Variants in DDX10 observed in about 807,000 individuals in gnomAD.
DDX10 encodes DEAD-box helicase 10, also known as probable ATP-dependent RNA helicase DDX10.
Under a neutral mutation model 104.3 loss-of-function variants are expected in DDX10, and 74 were observed. The observed-to-expected ratio is 0.71, with a 90% CI of 0.59 to 0.86. The LOEUF (loss-of-function observed/expected upper bound fraction) is 0.86, where lower values mean the gene tolerates loss of function less well. DDX10 is among the 40% of genes least tolerant of loss of function. The pLI is 0.00. For synonymous variants in DDX10, 351 were observed against 353.4 expected, an observed-to-expected ratio of 0.99 and a Z score of 0.08; for missense variants, 952 against 1,040.0, an observed-to-expected ratio of 0.92 and a Z score of 1.16.
chr11:108,694,504 C>G (rs2094257013), intron 9 of DDX10, among the ~76,000 whole-genome samples: 2 of 152,192 alleles, frequency 1.3e-5, no homozygotes, highest in Non-Finnish European at 2.9e-5. Flanking sequence ...AGACCACTCC[C>G]TATCTCTCCT....
intron 13 of DDX10, among the ~76,000 whole-genome samples, chr11:108,833,013 T>G (rs1862492922): frequency 6.6e-6 from 1 of 152,208 alleles, no homozygotes; most frequent in African/African-American, 2.4e-5. Context: ...TTAACTTAAG[T>G]ACAATTTACA....
intron 4 of DDX10, among the ~76,000 whole-genome samples, chr11:108,677,821 C>T (rs955092446): frequency 1.3e-5 from 2 of 151,664 alleles, no homozygotes; most frequent in Admixed American, 6.6e-5. Context: ...GTACCTGTTG[C>T]CTAACTTTAA....
At chr11:108,677,691 C>T (rs1432748876) in intron 4 of DDX10, among the ~76,000 whole-genome samples, 1 of 148,700 alleles carries the variant, frequency 6.7e-6, no homozygotes, top group African/African-American at 2.5e-5. Context: ...TTTGTTCTAT[C>T]TTATAGCACA....
chr11:108,772,689 G>T (rs923052282), intron 13 of DDX10, among the ~76,000 whole-genome samples: 4 of 152,220 alleles, frequency 2.6e-5, no homozygotes, highest in African/African-American at 7.2e-5. Context: ...GAAGGTGAGC[G>T]GCCAGGCGGG....
At chr11:108,684,032 T>A (rs2094239196) in intron 6 of DDX10, among the ~76,000 whole-genome samples, 1 of 151,906 alleles carries the variant, frequency 6.6e-6, no homozygotes, top group Non-Finnish European at 1.5e-5. Context: ...CATCCCAAAC[T>A]TCGCTAGTAG....
At chr11:108,885,028 T>C (rs957215457) in intron 16 of DDX10, among the ~76,000 whole-genome samples, 1 of 152,162 alleles carries the variant, frequency 6.6e-6, no homozygotes, top group Admixed American at 6.5e-5. Flanking sequence ...TTTTTGAGTC[T>C]TCCCCCTCCC....
chr11:108,745,236 T>C (rs2615742), intron 13 of DDX10, among the ~76,000 whole-genome samples: 114,751 of 130,496 alleles, frequency 0.88, 50,802 homozygotes, highest in East Asian at 0.99. Flanking sequence ...CTTCCCTTTC[T>C]CTTTCCCTTC....
At chr11:108,735,118 G>T (rs2094316783) in intron 13 of DDX10, among the ~76,000 whole-genome samples, 1 of 152,186 alleles carries the variant, frequency 6.6e-6, no homozygotes, top group Non-Finnish European at 1.5e-5. Flanking sequence ...TTGAAACACG[G>T]TTTCAAGTCC....
intron 13 of DDX10, among the ~76,000 whole-genome samples, chr11:108,803,582 GAAAAAAAAA>G (rs34367715): frequency 4.5e-5 from 1 of 22,468 alleles, no homozygotes; most frequent in African/African-American, 1.0e-4. Context: ...CAACAAGAGC[GAAAAAAAAA>G]AAAAAAAAAA....
chr11:108,837,376 A>G (rs998576752), intron 13 of DDX10, among the ~76,000 whole-genome samples: 4 of 152,130 alleles, frequency 2.6e-5, no homozygotes, highest in African/African-American at 9.7e-5. Flanking sequence ...TTTGAGGAGG[A>G]TAATCCAAAT....
chr11:108,716,709 G>A (rs1272640767), intron 11 of DDX10, among the ~76,000 whole-genome samples: 1 of 152,080 alleles, frequency 6.6e-6, no homozygotes, highest in African/African-American at 2.4e-5. Context: ...TTTATGACTT[G>A]TTGTTCCCCA....
chr11:108,932,921 G>A (rs74658309), intron 17 of DDX10, among the ~76,000 whole-genome samples: 4,661 of 152,062 alleles, frequency 0.031, 185 homozygotes, highest in East Asian at 0.2. Context: ...ATAATGAGGG[G>A]AGATCCTACT....
At chr11:108,726,915 G>A (rs889961537) in intron 13 of DDX10, among the ~76,000 whole-genome samples, 1 of 152,020 alleles carries the variant, frequency 6.6e-6, no homozygotes. Context: ...ACTTGTGTCA[G>A]ATGCTTTTTC....
intron 10 of DDX10, among the ~76,000 whole-genome samples, chr11:108,714,611 C>G (rs1591798842): frequency 6.6e-6 from 1 of 151,268 alleles, no homozygotes; most frequent in African/African-American, 2.4e-5. Flanking sequence ...TTGTTAACTT[C>G]AGGAAGCACT....
intron 15 of DDX10, among the ~76,000 whole-genome samples, chr11:108,848,625 A>T (rs1273856317): frequency 6.6e-6 from 1 of 152,104 alleles, no homozygotes; most frequent in Non-Finnish European, 1.5e-5. Flanking sequence ...ACATCTAGTG[A>T]CATTTAGCTC....
intron 7 of DDX10, among the ~76,000 whole-genome samples, chr11:108,691,123 C>T (rs1222464848): frequency 6.6e-6 from 1 of 152,198 alleles, no homozygotes; most frequent in South Asian, 2.1e-4. Context: ...ACAAGCAATT[C>T]ACTTGGTTTC....
At chr11:108,916,043 T>C (rs1321682687) in intron 16 of DDX10, among the ~76,000 whole-genome samples, 1 of 151,532 alleles carries the variant, frequency 6.6e-6, no homozygotes, top group Non-Finnish European at 1.5e-5. Flanking sequence ...TGAATAAATA[T>C]ATTTTTTAAA....
chr11:108,918,242 A>G, intron 17 of DDX10: 1 of 545,344 alleles, frequency 1.8e-6, no homozygotes, highest in Non-Finnish European at 3.2e-6. Flanking sequence ...TATAATCCCT[A>G]TTAATAGATA....
chr11:108,904,096 A>G (rs1863556458), intron 16 of DDX10, among the ~76,000 whole-genome samples: 1 of 152,090 alleles, frequency 6.6e-6, no homozygotes, highest in Non-Finnish European at 1.5e-5. Context: ...AGGGAGAGAA[A>G]AAAAATTTTT....
Sources: allele counts gnomAD v4.1 joint callset (sites outside exome capture counted in the v4.1 genomes callset), GRCh38; gene constraint gnomAD v4.1.1; transcripts MANE v1.5; gene names NCBI Gene and HGNC (gene_info 2026-07-23, HGNC 2026-07-21).